PHYKPL: variants seen among roughly 807,000 people sequenced by gnomAD.
PHYKPL encodes 5-phosphohydroxy-L-lysine phospho-lyase.
PHYKPL carries 42 observed loss-of-function variants against 51.3 expected under a neutral mutation model. That is an observed-to-expected ratio of 0.82 (90% CI 0.64 to 1.06). PHYKPL has a LOEUF of 1.06. PHYKPL is among the 50% of genes least tolerant of loss of function. The probability of loss-of-function intolerance (pLI) is 0.00; values close to 1 mark genes in which losing one functional copy is unlikely to be tolerated. For missense variants in PHYKPL, 655 were observed against 586.6 expected, an observed-to-expected ratio of 1.12 and a Z score of -1.20; for synonymous variants, 264 against 236.0, an observed-to-expected ratio of 1.12 and a Z score of -1.09.
chr5:178,218,786 A>G (rs1330658359), intron 8 of PHYKPL, among the ~76,000 whole-genome samples: 1 of 152,236 alleles, frequency 6.6e-6, no homozygotes, highest in Non-Finnish European at 1.5e-5. Flanking sequence ...ATGGCTTTAT[A>G]GGTGAGTTTT....
In PHYKPL at chr5:178,213,095, T is replaced by C. The variant is rs540220506; in HGVS notation, c.1181A>G (p.Glu394Gly). The stretch of plus-strand genomic sequence containing the variant: ...ATCAGTGCTCAGCAAAACGTAGTTC[T>C]CCTTCAGCCTGTGAGGACAGGACAC... The part of the protein sequence containing the change: ...EAAYLVSRLK[E>G]NYVLLSTDGP... The change falls in exon 11 of 13, where the codon GAG (glutamate) becomes GGG (glycine). Residue 394 changes from glutamate (E) to glycine (G), a missense_variant. Coordinates refer to ENST00000308158, the MANE Select transcript of PHYKPL (RefSeq NM_153373.4). 1 of 1,614,038 alleles carries C rather than the reference T, an allele frequency of 6.2e-7. No individual in the cohort carries two copies. Among genetic ancestry groups the C allele is most frequent in the Admixed American group, 1.7e-5 (1 of 60,018 alleles).
chr5:178,220,729 A>C (rs991017285), intron 8 of PHYKPL, among the ~76,000 whole-genome samples: 4 of 68,950 alleles, frequency 5.8e-5, no homozygotes, highest in Admixed American at 1.4e-4. Flanking sequence ...TGCAAAAAAA[A>C]AAAAAAAACA....
Position 178,222,261 on chromosome 5 carries a change from GCTAGCC to G in PHYKPL, c.927+88_927+93del, listed in dbSNP as rs1761312310. On this transcript the variant is annotated intron_variant, in intron 8 of 12. Transcript: ENST00000308158. Reference sequence around the variant, plus strand: ...CTTGGAAGCGTGTGCTGGGCACAGTGCTAGCCCTGTAGCCTTTGCTGACTAAGGACA... The same window carrying G: ...CTTGGAAGCGTGTGCTGGGCACAGTGCTGTAGCCTTTGCTGACTAAGGACA... 2.9e-5 allele frequency: 33 copies of G among 1,131,146 alleles called. No homozygotes were observed. The South Asian group carries it at 4.7e-4, about 16-fold the overall frequency. 70.1% of individuals were successfully genotyped at this position (1,131,146 alleles called of 1,614,324 possible).
chr5:178,210,450 C>T, intron 12 of PHYKPL: 1 of 1,489,626 alleles, frequency 6.7e-7, no homozygotes, highest in Non-Finnish European at 9.3e-7. Flanking sequence ...AAGGCAGTCT[C>T]TGCTGTCACG....
chr5:178,209,259 G>A, intron 12 of PHYKPL: 1 of 1,167,546 alleles, frequency 8.6e-7, no homozygotes, highest in Non-Finnish European at 1.3e-6. Flanking sequence ...GTTTGTCGCA[G>A]TGAAGGTGTT....
At chr5:178,214,932 CAGGGTGCT>C (rs775283226) in intron 9 of PHYKPL, 47 bp from the exon 10 acceptor site, 1 of 1,585,776 alleles carries the variant, frequency 6.3e-7, no homozygotes, top group Non-Finnish European at 8.6e-7. Flanking sequence ...CCTGAGGGGC[CAGGGTGCT>C]GGCCTCAGCC....
chr5:178,210,561 A>G (rs1359867128), intron 12 of PHYKPL: 2 of 1,614,036 alleles, frequency 1.2e-6, no homozygotes, highest in South Asian at 1.1e-5. Flanking sequence ...AGGTCAGGGT[A>G]GTACAAACTA....
At chr5:178,214,926 A>C (rs762562291) in intron 9 of PHYKPL, 41 bp from the exon 10 acceptor site, 1 of 1,593,176 alleles carries the variant, frequency 6.3e-7, no homozygotes, top group Non-Finnish European at 8.6e-7. Context: ...GCCAGGCCTG[A>C]GGGGCCAGGG....
At chr5:178,212,008 T>G (rs767461935) in intron 11 of PHYKPL, 38 bp from the exon 12 acceptor site, 51 of 1,612,012 alleles carry the variant, frequency 3.2e-5, no homozygotes, top group Non-Finnish European at 4.2e-5. Flanking sequence ...CTCAGTCACC[T>G]TTCTCTGCTG....
chr5:178,212,327 T>G (rs1758705214), intron 11 of PHYKPL, among the ~76,000 whole-genome samples: 1 of 152,224 alleles, frequency 6.6e-6, no homozygotes, highest in African/African-American at 2.4e-5. Context: ...TGGGTAGCAG[T>G]GATCACCCAG....
rs1759422608 is a variant in PHYKPL, at chr5:178,214,855, C to G, written c.1113G>C (p.Leu371=). 2 of 1,613,152 alleles carry G rather than the reference C, an allele frequency of 1.2e-6. No individual in the cohort carries two copies. The highest frequency in any genetic ancestry group is 1.7e-6 in the Non-Finnish European group (2 of 1,179,860). Residue 371 remains leucine, a synonymous_variant, in exon 10 of 13, where the codon CTG becomes CTC. Transcript: ENST00000308158. ...RGVGLFIGVD[L]IKDEATRTPA... ...GTGTCCTTGTGGCCTCATCTTTGATCAGATCCACACCAATGAAGAGCCCAA... is the reference window on the plus strand; with the variant it reads ...GTGTCCTTGTGGCCTCATCTTTGATGAGATCCACACCAATGAAGAGCCCAA...
intron 3 of PHYKPL, chr5:178,228,548 G>A (rs1041376656): frequency 2.8e-6 from 2 of 702,506 alleles, no homozygotes; most frequent in Non-Finnish European, 5.2e-6. Flanking sequence ...CATGGCAAAT[G>A]TCTGGGCTCA....
Position 178,224,541 on chromosome 5 carries a change from C to T in PHYKPL, c.525G>A (p.Arg175=). The T allele has an allele frequency of 6.2e-7, 1 of 1,614,180 alleles. No individual in the cohort carries two copies. Among genetic ancestry groups the T allele is most frequent in the Non-Finnish European group, 8.5e-7 (1 of 1,180,006 alleles). The change falls in exon 6 of 13, where the codon CGG becomes CGA. Residue 175 remains arginine, a synonymous_variant. Coordinates refer to ENST00000308158, the MANE Select transcript of PHYKPL (RefSeq NM_153373.4). ...VHVAPLPDTY[R]GPYREDHPNP... ...TGGGGTGGTCCTCCCGGTAGGGGCC[C>T]CGGTAGGTGTCTGGGAGAGGTGCCT...
At chr5:178,212,947 T>G in intron 11 of PHYKPL, 26 bp downstream of exon 11, 2 of 1,612,818 alleles carry the variant, frequency 1.2e-6, no homozygotes, top group Non-Finnish European at 1.7e-6. Context: ...TCTAGAGATA[T>G]GGCCAAGCTC....
At chr5:178,213,228 A>G (rs1328922732) in intron 10 of PHYKPL, 125 bp from the exon 11 acceptor site, 2 of 1,295,380 alleles carry the variant, frequency 1.5e-6, no homozygotes, top group Non-Finnish European at 2.1e-6. Flanking sequence ...CTGCCAGGTC[A>G]TTTTACTGGT....
At chr5:178,207,858 A>G (rs1472969524), downstream of PHYKPL, among the ~76,000 whole-genome samples, 3 of 151,872 alleles carry the variant, frequency 2.0e-5, no homozygotes, top group African/African-American at 7.3e-5. Context: ...ATGTACCACC[A>G]TGCCTGGCTC....
intron 3 of PHYKPL, 126 bp from the exon 4 acceptor site, chr5:178,225,555 G>T: frequency 1.1e-6 from 1 of 879,404 alleles, no homozygotes; most frequent in Non-Finnish European, 1.8e-6. Flanking sequence ...TCAGTCACTT[G>T]CTTGTTTGTT....
downstream of PHYKPL, chr5:178,207,318 C>T (rs1469943397): frequency 6.7e-6 from 10 of 1,482,282 alleles, no homozygotes; most frequent in African/African-American, 2.8e-5. Context: ...TGCAGGAGCT[C>T]TCCAGGTTGG....
At chr5:178,219,908 A>G (rs1031107854) in intron 8 of PHYKPL, among the ~76,000 whole-genome samples, 13 of 151,970 alleles carry the variant, frequency 8.6e-5, no homozygotes, top group Admixed American at 3.3e-4. Context: ...TGAAGAAGAT[A>G]TAGGCCGGGT....
Sources: allele counts gnomAD v4.1 joint callset (sites outside exome capture counted in the v4.1 genomes callset), GRCh38; gene constraint gnomAD v4.1.1; transcripts MANE v1.5; gene names NCBI Gene and HGNC (gene_info 2026-07-23, HGNC 2026-07-21).